WDR27: variants seen among roughly 807,000 people sequenced by gnomAD.
The protein encoded by WDR27 is WD repeat domain 27, also known as WD repeat-containing protein 27.
A neutral mutation model predicts 114.4 loss-of-function variants in WDR27; 100 were observed. That is an observed-to-expected ratio of 0.87 (90% confidence interval 0.74 to 1.03). WDR27 has a LOEUF of 1.03. WDR27 is among the 50% of genes least tolerant of loss of function. The pLI, the probability that WDR27 is intolerant of heterozygous loss-of-function variation, is 0.00. For missense variants in WDR27, 1,129 were observed against 1,092.9 expected, an observed-to-expected ratio of 1.03 and a Z score of -0.47; for synonymous variants, 449 against 423.1, an observed-to-expected ratio of 1.06 and a Z score of -0.75.
intron 23 of WDR27, among the ~76,000 whole-genome samples, chr6:169,600,214 G>A (rs1372731875): frequency 6.6e-6 from 1 of 152,100 alleles, no homozygotes; most frequent in Non-Finnish European, 1.5e-5. Context: ...GGCATGGTGT[G>A]GACCTCCAGC....
intron 25 of WDR27, among the ~76,000 whole-genome samples, chr6:169,504,172 C>T (rs1562504590): frequency 6.6e-6 from 1 of 152,154 alleles, no homozygotes; most frequent in South Asian, 2.1e-4. Context: ...CTGTTCACTA[C>T]AAACTGTTTC....
At chr6:169,616,445 G>A (rs370518792) in intron 21 of WDR27, among the ~76,000 whole-genome samples, 15 of 152,178 alleles carry the variant, frequency 9.9e-5, no homozygotes, top group African/African-American at 3.6e-4. Context: ...CCAAGACTGC[G>A]CCACTGCCCT....
chr6:169,472,582 C>G (rs1302702585), intron 25 of WDR27, among the ~76,000 whole-genome samples: 1 of 151,934 alleles, frequency 6.6e-6, no homozygotes, highest in African/African-American at 2.4e-5. Context: ...ACCAGACACA[C>G]AGAAAGCATT....
chr6:169,618,887 C>T lies in WDR27; in HGVS notation c.2224-5231G>A, dbSNP rs138945649. 3.4e-3 allele frequency among the ~76,000 whole-genome samples: 521 copies of T among 151,838 alleles called. 2 individuals are homozygous for T. Among genetic ancestry groups the T allele is most frequent in the Non-Finnish European group, 5.6e-3 (379 of 67,918 alleles). On this transcript the variant is annotated intron_variant, in intron 21 of 25. Transcript: ENST00000448612. Reference sequence around the variant, plus strand: ...TGTAAGATAAGTTTTTTTAAAAAAGCTATTAAAAAATAGTGTAAACCTCTG... The same window carrying T: ...TGTAAGATAAGTTTTTTTAAAAAAGTTATTAAAAAATAGTGTAAACCTCTG...
chr6:169,440,962 T>C, the WDR27 span, among the ~76,000 whole-genome samples: 2 of 151,564 alleles, frequency 1.3e-5, no homozygotes, highest in African/African-American at 4.8e-5. Context: ...ATTAAATTTA[T>C]TATATTGTTG....
intron 13 of WDR27, 167 bp downstream of exon 13, chr6:169,658,109 C>A: frequency 1.7e-6 from 1 of 585,664 alleles, no homozygotes. Flanking sequence ...CCCACCACAG[C>A]GGACATGGAA....
At chr6:169,443,993 T>C in the WDR27 span, among the ~76,000 whole-genome samples, 1 of 152,218 alleles carries the variant, frequency 6.6e-6, no homozygotes, top group Non-Finnish European at 1.5e-5. Context: ...CCATAGCCCC[T>C]CCTTCAGCTG....
At chr6:169,637,872 G>GT (rs1309396640) in intron 18 of WDR27, among the ~76,000 whole-genome samples, 3 of 152,080 alleles carry the variant, frequency 2.0e-5, no homozygotes, top group Admixed American at 6.5e-5. Flanking sequence ...TGGCAAGTAT[G>GT]TAAGTGTGCG....
At chr6:169,616,866 C>A (rs1209034983) in intron 21 of WDR27, among the ~76,000 whole-genome samples, 1 of 152,100 alleles carries the variant, frequency 6.6e-6, no homozygotes, top group Admixed American at 6.5e-5. Context: ...ATGTGGAAAT[C>A]TAAAAGCATA....
chr6:169,500,630 A>G (rs1791062329), intron 25 of WDR27, among the ~76,000 whole-genome samples: 1 of 152,164 alleles, frequency 6.6e-6, no homozygotes, highest in Admixed American at 6.5e-5. Flanking sequence ...ATGAGTACCC[A>G]GGACCTGCCC....
At chr6:169,439,410 G>A in the WDR27 span, among the ~76,000 whole-genome samples, 1 of 151,946 alleles carries the variant, frequency 6.6e-6, no homozygotes, top group Non-Finnish European at 1.5e-5. Context: ...CTACAGTGCT[G>A]ATTCTTATCT....
rs1032540136 is a variant in WDR27, at chr6:169,627,781, A to T, written c.2223+5166T>A. Among the ~76,000 whole-genome samples, 3 of 152,208 alleles carry T rather than the reference A, an allele frequency of 2.0e-5. No homozygotes were observed. The East Asian group carries it at 5.8e-4, about 29-fold the overall frequency. On this transcript the variant is annotated intron_variant, in intron 21 of 25. Coordinates refer to ENST00000448612, the MANE Select transcript of WDR27 (RefSeq NM_182552.5). Reference sequence around the variant, plus strand: ...TAAGGAGGGAAGAAAAACAGCATCCAGGCAGAGGAACTAGGCAGGCCTGGA... The same window carrying T: ...TAAGGAGGGAAGAAAAACAGCATCCTGGCAGAGGAACTAGGCAGGCCTGGA...
At chr6:169,432,858 C>A in the WDR27 span, among the ~76,000 whole-genome samples, 6 of 152,122 alleles carry the variant, frequency 3.9e-5, no homozygotes, top group East Asian at 1.2e-3. Context: ...CAGAAGAAGA[C>A]AGGAAAATGT....
At chr6:169,644,407 C>G (rs1427269020) in intron 16 of WDR27, among the ~76,000 whole-genome samples, 1 of 95,532 alleles carries the variant, frequency 1.0e-5, no homozygotes, top group African/African-American at 4.3e-5. Flanking sequence ...GTCACACTGT[C>G]GAAAATCCTA....
At chr6:169,451,494 G>T in the WDR27 span, among the ~76,000 whole-genome samples, 1 of 152,138 alleles carries the variant, frequency 6.6e-6, no homozygotes, top group South Asian at 2.1e-4. Flanking sequence ...ATACTTTTTG[G>T]TTTACAAAGG....
chr6:169,510,500 G>A (rs1457067604), intron 25 of WDR27, among the ~76,000 whole-genome samples: 2 of 151,586 alleles, frequency 1.3e-5, no homozygotes, highest in Non-Finnish European at 2.9e-5. Context: ...ATGAAGCTGG[G>A]AACCATCATT....
chr6:169,625,695 C>T lies in WDR27; in HGVS notation c.2223+7252G>A, dbSNP rs573987558. Among the ~76,000 whole-genome samples, 8 of 152,290 alleles carry T rather than the reference C, an allele frequency of 5.3e-5. No homozygotes were observed. In the East Asian group the frequency reaches 1.2e-3, roughly 22 times the overall value. ...AACCAGTGTGGAGCCTTAGCTGCTCCATGGGGTCAGAGCTTAGGTGCCAGT... is the reference window on the plus strand; with the variant it reads ...AACCAGTGTGGAGCCTTAGCTGCTCTATGGGGTCAGAGCTTAGGTGCCAGT... On this transcript the variant is annotated intron_variant, in intron 21 of 25. Coordinates refer to ENST00000448612, the MANE Select transcript of WDR27 (RefSeq NM_182552.5).
intron 25 of WDR27, among the ~76,000 whole-genome samples, chr6:169,474,774 T>A (rs550745292): frequency 1.3e-5 from 2 of 151,632 alleles, no homozygotes; most frequent in Non-Finnish European, 3.0e-5. Context: ...GCAAAATGAG[T>A]TCCAGGAATG....
chr6:169,687,799 T>C (rs893806819), intron 2 of WDR27, among the ~76,000 whole-genome samples: 2 of 152,214 alleles, frequency 1.3e-5, no homozygotes, highest in Admixed American at 6.5e-5. Flanking sequence ...ATATGCAGTT[T>C]TCATATCCTG....
Sources: gnomAD v4.1 joint callset for allele counts (sites outside exome capture counted in the v4.1 genomes callset) on GRCh38, gnomAD v4.1.1 for gene constraint, MANE v1.5 for transcripts, NCBI Gene and HGNC (gene_info 2026-07-23, HGNC 2026-07-21) for gene names.